The following NUDC variants were observed in gnomAD, a reference collection of about 807,000 sequenced individuals.
NUDC encodes the protein nuclear distribution C, dynein complex regulator.
Under a neutral mutation model 45.0 loss-of-function variants are expected in NUDC, and 14 were observed. That is an observed-to-expected ratio of 0.31 (90% CI 0.21 to 0.49). The LOEUF is 0.49. Ranked by LOEUF, NUDC falls within the 20% of genes least tolerant of loss-of-function variation. The pLI, the probability that NUDC is intolerant of heterozygous loss-of-function variation, is 0.99. For synonymous variants in NUDC, 153 were observed against 156.7 expected (o/e 0.98, Z 0.17); for missense variants, 323 against 426.2 (o/e 0.76, Z 2.13).
upstream of NUDC, among the ~76,000 whole-genome samples, chr1:26,917,611 G>T (rs1054221627): frequency 6.6e-6 from 1 of 151,860 alleles, no homozygotes; most frequent in African/African-American, 2.4e-5. Flanking sequence ...AAACCACCTG[G>T]GCATGGTGGC....
At chr1:26,939,501 C>T (rs2082260367) in intron 2 of NUDC, among the ~76,000 whole-genome samples, 1 of 152,090 alleles carries the variant, frequency 6.6e-6, no homozygotes, top group Non-Finnish European at 1.5e-5. Context: ...GTGGCATGTA[C>T]TTATAGTCCC....
chr1:26,944,237 G>T (rs895351556), intron 6 of NUDC, among the ~76,000 whole-genome samples: 3 of 149,788 alleles, frequency 2.0e-5, no homozygotes, highest in African/African-American at 7.4e-5. Context: ...TTGAGACAGG[G>T]TCTTGTTCTC....
chr1:26,916,496 G>A (rs562222045), intron 3 of NUDC, among the ~76,000 whole-genome samples: 1 of 152,236 alleles, frequency 6.6e-6, no homozygotes, highest in African/African-American at 2.4e-5. Flanking sequence ...TGGTGTCTGT[G>A]TCATTTTGGC....
At chr1:26,914,977 ATATG>A (rs2082053913) in intron 3 of NUDC, among the ~76,000 whole-genome samples, 1 of 11,276 alleles carries the variant, frequency 8.9e-5, no homozygotes, top group Non-Finnish European at 8.4e-4. Flanking sequence ...AAAAAAATAT[ATATG>A]TATATGTATA....
chr1:26,945,091 C>CT, intron 6 of NUDC: 1 of 494,028 alleles, frequency 2.0e-6, no homozygotes, highest in Non-Finnish European at 3.7e-6. Flanking sequence ...TGGAATACTG[C>CT]TTTGTGTCTT....
At chr1:26,906,732 C>T (rs2082004649) in intron 2 of NUDC, among the ~76,000 whole-genome samples, 1 of 151,966 alleles carries the variant, frequency 6.6e-6, no homozygotes, top group African/African-American at 2.4e-5. Context: ...GCCTGTAGTC[C>T]CAGCTACTCG....
At chr1:26,919,712 G>A (rs2082079550), upstream of NUDC, among the ~76,000 whole-genome samples, 1 of 152,126 alleles carries the variant, frequency 6.6e-6, no homozygotes, top group African/African-American at 2.4e-5. Flanking sequence ...CAAACTGAGT[G>A]TATTTCCAAC....
intron 2 of NUDC, among the ~76,000 whole-genome samples, chr1:26,905,689 G>A (rs1243700307): frequency 6.6e-6 from 1 of 151,706 alleles, no homozygotes; most frequent in South Asian, 2.1e-4. Context: ...TATAGGGAGG[G>A]TATCCCTCAC....
chr1:26,912,471 T>C (rs1426967315), intron 3 of NUDC, among the ~76,000 whole-genome samples: 1 of 152,156 alleles, frequency 6.6e-6, no homozygotes, highest in Admixed American at 6.6e-5. Flanking sequence ...TTAAATGAAC[T>C]AGTATATGTA....
rs2082291138 is a variant in NUDC, at chr1:26,942,948, G to C, written c.624G>C (p.Arg208=). ...TGGACATCCAGCGGCGGCACCTCCG[G>C]GTGGGGCTCAAGGGGCAGCCAGCGA... The part of the protein sequence containing the change: ...MVVDIQRRHL[R]VGLKGQPAII... The change falls in exon 6 of 9, where the codon CGG becomes CGC. Residue 208 remains arginine, a synonymous_variant. Coordinates refer to ENST00000321265, the MANE Select transcript of NUDC (RefSeq NM_006600.4). 6.2e-7 allele frequency: 1 copy of C among 1,614,052 alleles called. No homozygotes were observed. The highest frequency in any genetic ancestry group is 8.5e-7 in the Non-Finnish European group (1 of 1,180,054).
chr1:26,945,071 A>C, intron 6 of NUDC: 1 of 405,154 alleles, frequency 2.5e-6, no homozygotes, highest in Non-Finnish European at 4.5e-6. Flanking sequence ...TTTTCTTCCC[A>C]TTTTAAATCT....
intron 2 of NUDC, chr1:26,929,725 TA>T (rs774589102): frequency 1.1e-5 from 5 of 453,882 alleles, no homozygotes; most frequent in Non-Finnish European, 2.2e-5. Flanking sequence ...AGTTACTGTT[TA>T]AAAACATAAC....
chr1:26,908,798 G>T (rs1318314708), intron 2 of NUDC, among the ~76,000 whole-genome samples: 1 of 152,134 alleles, frequency 6.6e-6, no homozygotes, highest in Non-Finnish European at 1.5e-5. Context: ...CTGGAGTGCA[G>T]TGGTGCAATC....
At chr1:26,936,896 C>T (rs1227627812) in intron 2 of NUDC, among the ~76,000 whole-genome samples, 2 of 152,086 alleles carry the variant, frequency 1.3e-5, no homozygotes, top group African/African-American at 2.4e-5. Context: ...TGAATTCTGA[C>T]CGTAACTACC....
chr1:26,925,413 G>A (rs1336965795), intron 2 of NUDC, among the ~76,000 whole-genome samples: 4 of 150,456 alleles, frequency 2.7e-5, no homozygotes, highest in African/African-American at 7.3e-5. Context: ...GGTGGCGGGC[G>A]CCTGTAGTCC....
intron 6 of NUDC, among the ~76,000 whole-genome samples, chr1:26,943,361 C>T (rs1021162152): frequency 6.6e-6 from 1 of 152,090 alleles, no homozygotes; most frequent in African/African-American, 2.4e-5. Flanking sequence ...GTGTACACCA[C>T]CACGCTCGGC....
rs758240815 is a variant in NUDC, at chr1:26,913,648, A to AGT, written c.93+2414_93+2415insTG. ...GGTCACAGCATCTTGGGCCAACCCA[A>AGT]GCAGGAAGAGGGGGCCCCAGCAACC... On this transcript the variant is annotated intron_variant, in intron 3 of 6. Transcript: ENST00000435827. The AGT allele has an allele frequency of 1.9e-6, 3 of 1,613,622 alleles. No individual in the cohort carries two copies. The East Asian group carries it at 6.7e-5, about 36-fold the overall frequency.
Position 26,943,124 on chromosome 1 carries a change from G to A in NUDC, c.741+59G>A, listed in dbSNP as rs938106483. The A allele has an allele frequency of 4.4e-6, 7 of 1,576,166 alleles. No individual in the cohort carries two copies. In the Admixed American group the frequency reaches 6.7e-5, roughly 15 times the overall value. ...TTGATGGAAGTAGAAGGGAGGATGT[G>A]TGCTTAGTTTACTCAGGAGCCATGC... On this transcript the variant is annotated intron_variant, in intron 6 of 8. Transcript: ENST00000321265.
At chr1:26,905,581 G>T (rs1336844928) in intron 2 of NUDC, among the ~76,000 whole-genome samples, 2 of 151,768 alleles carry the variant, frequency 1.3e-5, no homozygotes, top group Admixed American at 1.3e-4. Flanking sequence ...TGTAAAACTA[G>T]TGGAAGATAA....
Sources: allele counts gnomAD v4.1 joint callset (sites outside exome capture counted in the v4.1 genomes callset), GRCh38; gene constraint gnomAD v4.1.1; transcripts MANE v1.5; gene names NCBI Gene and HGNC (gene_info 2026-07-23, HGNC 2026-07-21).